The following IL1RAPL2 variants were observed in gnomAD, a reference collection of about 807,000 sequenced individuals.
IL1RAPL2 encodes the protein X-linked interleukin-1 receptor accessory protein-like 2.
IL1RAPL2 carries 3 observed loss-of-function variants against 44.1 expected under a neutral mutation model. That is an observed-to-expected ratio of 0.07 (90% CI 0.03 to 0.18). The LOEUF (loss-of-function observed/expected upper bound fraction) is 0.18, where lower values mean the gene tolerates loss of function less well. Among genes scored for constraint, IL1RAPL2 ranks in the 10% least tolerant of loss-of-function variants. IL1RAPL2 has a pLI of 1.00. For missense variants in IL1RAPL2, 391 were observed against 496.4 expected (o/e 0.79, Z 2.02); for synonymous variants, 181 against 178.8 (o/e 1.01, Z -0.10).
chrX:104,940,813 G>A (rs1453701618), intron 2 of IL1RAPL2, among the ~76,000 whole-genome samples: 3 of 107,480 alleles, frequency 2.8e-5, no homozygotes, highest in African/African-American at 1.0e-4. Context: ...GTGCCATGTT[G>A]GTGTGCTGCA....
Position 105,228,876 on chromosome X carries a change from C to T in IL1RAPL2, c.357-4942C>T, listed in dbSNP as rs1014451308. ...TCCTCTCTGTGTCTATGTTTTACTCCTGTAAGGGATACTTACCCTGCCCAT... is the reference window on the plus strand; with the variant it reads ...TCCTCTCTGTGTCTATGTTTTACTCTTGTAAGGGATACTTACCCTGCCCAT... On this transcript the variant is annotated intron_variant, in intron 3 of 10. Transcript: ENST00000372582. 1.2e-4 allele frequency among the ~76,000 whole-genome samples: 13 copies of T among 112,120 alleles called. No homozygotes were observed. The Admixed American group carries it at 1.2e-3, about 11-fold the overall frequency.
rs865990918 is a variant in IL1RAPL2 at position 105,747,551 on chromosome X, C to T, written c.1049-1409C>T. ...ATATATATATACACACACACACACA[C>T]ATATATACACACATATATACACACA... On this transcript the variant is annotated intron_variant, in intron 8 of 10. Coordinates refer to ENST00000372582, the MANE Select transcript of IL1RAPL2 (RefSeq NM_017416.2). Among the ~76,000 whole-genome samples, 17 of 90,589 alleles carry T rather than the reference C, an allele frequency of 1.9e-4. No homozygotes were observed. The East Asian group carries it at 6.1e-3, about 33-fold the overall frequency. The allele number at this position is 90,589 out of a possible 115,157, so 78.7% of individuals were successfully genotyped here.
At chrX:105,237,652 T>G (rs1398566126) in intron 4 of IL1RAPL2, among the ~76,000 whole-genome samples, 1 of 112,081 alleles carries the variant, frequency 8.9e-6, no homozygotes, top group Non-Finnish European at 1.9e-5. Flanking sequence ...TTTTGAGAAG[T>G]GTGTGTTCAT....
chrX:104,973,213 T>G (rs1033181750), intron 2 of IL1RAPL2, among the ~76,000 whole-genome samples: 5 of 111,939 alleles, frequency 4.5e-5, no homozygotes, highest in Non-Finnish European at 9.4e-5. Flanking sequence ...CTGATACCTG[T>G]CATGGCCTGA....
intron 5 of IL1RAPL2, among the ~76,000 whole-genome samples, chrX:105,432,359 A>C (rs2035854318): frequency 9.1e-6 from 1 of 109,390 alleles, no homozygotes; most frequent in African/African-American, 3.3e-5. Context: ...AAAAATGACT[A>C]ATGAGAGCTA....
chrX:104,841,028 C>T (rs947143238), intron 2 of IL1RAPL2, among the ~76,000 whole-genome samples: 2 of 110,846 alleles, frequency 1.8e-5, no homozygotes, highest in Admixed American at 9.6e-5. Flanking sequence ...GTCTAAGTCT[C>T]TTTGTAGGTC....
chrX:105,615,184 T>C (rs1195349186), intron 6 of IL1RAPL2, among the ~76,000 whole-genome samples: 2 of 111,509 alleles, frequency 1.8e-5, no homozygotes, highest in African/African-American at 6.5e-5. Flanking sequence ...CAATAACAAA[T>C]GCTGGCGAGG....
chrX:105,009,598 T>G (rs1327784230), intron 2 of IL1RAPL2, among the ~76,000 whole-genome samples: 6 of 48,111 alleles, frequency 1.2e-4, no homozygotes, highest in East Asian at 7.6e-4. Flanking sequence ...AGGGCCTGTT[T>G]TGGGGTGGGG....
chrX:104,635,561 T>A (rs1170859257), intron 1 of IL1RAPL2, among the ~76,000 whole-genome samples: 1 of 111,889 alleles, frequency 8.9e-6, no homozygotes, highest in Non-Finnish European at 1.9e-5. Context: ...CTTTTTTCTC[T>A]AAACTTCTCT....
At chrX:105,341,877 GCGGAAAGATCT>G (rs1307865381) in intron 5 of IL1RAPL2, among the ~76,000 whole-genome samples, 5 of 110,852 alleles carry the variant, frequency 4.5e-5, no homozygotes, top group Non-Finnish European at 9.4e-5. Context: ...TTTGCTGTGA[GCGGAAAGATCT>G]CACCACTGCA....
At chrX:104,638,224 C>G (rs1270594005) in intron 1 of IL1RAPL2, among the ~76,000 whole-genome samples, 1 of 108,738 alleles carries the variant, frequency 9.2e-6, no homozygotes, top group Non-Finnish European at 1.9e-5. Context: ...TTTTTCATTT[C>G]TGATTTTATT....
chrX:105,601,959 C>G (rs2037255235), intron 6 of IL1RAPL2, among the ~76,000 whole-genome samples: 2 of 110,838 alleles, frequency 1.8e-5, no homozygotes, highest in African/African-American at 6.6e-5. Context: ...GCCCACAGTA[C>G]CAAGGGAGCC....
chrX:104,729,108 TA>T (rs1931852906), intron 2 of IL1RAPL2, among the ~76,000 whole-genome samples: 1 of 110,129 alleles, frequency 9.1e-6, no homozygotes, highest in African/African-American at 3.3e-5. Context: ...AAGGAAATTG[TA>T]AAAACTTCAC....
intron 6 of IL1RAPL2, among the ~76,000 whole-genome samples, chrX:105,551,299 AAAC>A (rs1404948858): frequency 7.6e-4 from 83 of 109,903 alleles, no homozygotes; most frequent in East Asian, 6.3e-3. Context: ...AAAAAAAAAA[AAAC>A]AACAACAACA....
intron 2 of IL1RAPL2, among the ~76,000 whole-genome samples, chrX:104,762,102 A>G (rs985192873): frequency 1.9e-5 from 2 of 108,086 alleles, no homozygotes; most frequent in African/African-American, 6.7e-5. Flanking sequence ...GGTTCAAGCA[A>G]TTGTCCTGCC....
intron 6 of IL1RAPL2, among the ~76,000 whole-genome samples, chrX:105,493,328 T>A (rs1236908336): frequency 8.9e-6 from 1 of 111,789 alleles, no homozygotes; most frequent in East Asian, 2.8e-4. Context: ...TCTAACCTTT[T>A]GAGGAACTAT....
chrX:105,609,047 A>G (rs976101442), intron 6 of IL1RAPL2, among the ~76,000 whole-genome samples: 2 of 111,578 alleles, frequency 1.8e-5, no homozygotes, highest in Non-Finnish European at 3.8e-5. Flanking sequence ...CCCTTGTGCC[A>G]TAATCTCTTT....
chrX:104,798,559 G>A (rs906586369), intron 2 of IL1RAPL2, among the ~76,000 whole-genome samples: 32 of 110,938 alleles, frequency 2.9e-4, no homozygotes, highest in African/African-American at 9.8e-4. Context: ...CCAGCTACTC[G>A]GGAGGCTGAG....
chrX:105,540,108 G>C (rs2036708828), intron 6 of IL1RAPL2, among the ~76,000 whole-genome samples: 1 of 111,452 alleles, frequency 9.0e-6, no homozygotes, highest in Admixed American at 9.5e-5. Context: ...AATTAATTTA[G>C]CCACTGTGGA....
Sources: gnomAD v4.1 joint callset for allele counts (sites outside exome capture counted in the v4.1 genomes callset) on GRCh38, gnomAD v4.1.1 for gene constraint, MANE v1.5 for transcripts, NCBI Gene and HGNC (gene_info 2026-07-23, HGNC 2026-07-21) for gene names.